LMBRD2: variants seen among roughly 807,000 people sequenced by gnomAD.
LMBRD2 encodes LMBR1 domain containing 2, also known as G protein-coupled receptor-associated protein LMBRD2.
In LMBRD2, 55 loss-of-function variants were observed where a neutral mutation model predicts 94.4. The observed-to-expected ratio is 0.58, with a 90% CI of 0.47 to 0.73. The LOEUF is 0.73. Among genes scored for constraint, LMBRD2 ranks in the 30% least tolerant of loss-of-function variants. LMBRD2 has a pLI of 0.00. For synonymous variants in LMBRD2, 246 were observed against 272.4 expected (o/e 0.90, Z 0.95); for missense variants, 640 against 831.9 (o/e 0.77, Z 2.84).
chr5:36,134,121 A>G (rs1744215878), intron 6 of LMBRD2, among the ~76,000 whole-genome samples: 1 of 152,150 alleles, frequency 6.6e-6, no homozygotes, highest in African/African-American at 2.4e-5. Flanking sequence ...TCAAATATAA[A>G]TAATGTTCTT....
At position 36,148,238 on chromosome 5, in the gene LMBRD2, C is replaced by T. The variant is rs148702987; in HGVS notation, c.-58+3318G>A. ...ACTGCAAGAGACTATTACTCCCACTCGAAAAATGAAAAAAAAAAAAAAACC... is the reference window on the plus strand; with the variant it reads ...ACTGCAAGAGACTATTACTCCCACTTGAAAAATGAAAAAAAAAAAAAAACC... On this transcript the variant is annotated intron_variant, in intron 1 of 17. Transcript: ENST00000296603. 1.3e-3 allele frequency among the ~76,000 whole-genome samples: 189 copies of T among 146,004 alleles called. 6 individuals are homozygous for T. The East Asian group carries it at 0.031, about 24-fold the overall frequency.
At chr5:36,124,164 A>G in intron 7 of LMBRD2, 27 bp downstream of exon 7, 1 of 1,338,440 alleles carries the variant, frequency 7.5e-7, no homozygotes, top group Non-Finnish European at 1.1e-6. Context: ...ATATTTCAAA[A>G]GGAAACAGAC....
At chr5:36,124,433 C>T (rs1743963649) in intron 6 of LMBRD2, among the ~76,000 whole-genome samples, 168 bp from the exon 7 acceptor site, 1 of 152,122 alleles carries the variant, frequency 6.6e-6, no homozygotes, top group African/African-American at 2.4e-5. Flanking sequence ...AATACAAAGT[C>T]ACTGAATAGC....
intron 6 of LMBRD2, among the ~76,000 whole-genome samples, chr5:36,129,701 G>GA (rs1228989764): frequency 6.6e-6 from 1 of 152,070 alleles, no homozygotes; most frequent in Non-Finnish European, 1.5e-5. Context: ...CAAGTACACA[G>GA]AAAAACAAAG....
intron 6 of LMBRD2, among the ~76,000 whole-genome samples, chr5:36,131,497 A>G (rs951873199): frequency 6.6e-6 from 1 of 152,172 alleles, no homozygotes; most frequent in African/African-American, 2.4e-5. Context: ...GCAATCAGAC[A>G]AGAGAAAGAT....
In LMBRD2 at chr5:36,124,191, CT is replaced by C; in HGVS notation, c.821del (p.Lys274SerfsTer34). ...GAAACAGACAAGATGATTTCATTAC[CT>C]TTTTAAGTATTGTATCAACACATTT... ...LRKCVDTILK[K>X]CPTEYQEKMG... On this transcript the variant is annotated frameshift_variant and splice_region_variant, in exon 7 of 18. Transcript: ENST00000296603. LOFTEE classifies it high-confidence loss of function. The C allele has an allele frequency of 3.3e-6, 5 of 1,524,314 alleles. No homozygotes were observed. Among genetic ancestry groups the C allele is most frequent in the South Asian group, 1.2e-5 (1 of 86,450 alleles). The allele number at this position is 1,524,314 out of a possible 1,614,324, so 94.4% of individuals were successfully genotyped here.
At chr5:36,117,307 G>A in intron 10 of LMBRD2, among the ~76,000 whole-genome samples, 1 of 152,064 alleles carries the variant, frequency 6.6e-6, no homozygotes, top group East Asian at 1.9e-4. Context: ...GCAAAATCCT[G>A]ACTCTACAAA....
intron 13 of LMBRD2, among the ~76,000 whole-genome samples, chr5:36,113,357 G>T (rs1022198195): frequency 5.9e-5 from 9 of 152,012 alleles, no homozygotes; most frequent in African/African-American, 1.2e-4. Context: ...CCTTAAAAGG[G>T]ACAGGAATTG....
chr5:36,114,875 T>C, intron 12 of LMBRD2, 140 bp downstream of exon 12: 1 of 639,872 alleles, frequency 1.6e-6, no homozygotes, highest in Non-Finnish European at 2.7e-6. Context: ...TAGTCAATAG[T>C]AATACGTATA....
In LMBRD2 at chr5:36,122,264, A is replaced by G. The variant is rs752422445; in HGVS notation, c.1120+16T>C. 1 of 1,536,946 alleles carries G rather than the reference A, an allele frequency of 6.5e-7. No individual in the cohort carries two copies. The highest frequency in any genetic ancestry group is 8.8e-7 in the Non-Finnish European group (1 of 1,141,088). Reference sequence around the variant, plus strand: ...TTTTCATCATTAAAGTTTGAAATTTATATCAAATTACATACCAAATGTAGG... The same window carrying G: ...TTTTCATCATTAAAGTTTGAAATTTGTATCAAATTACATACCAAATGTAGG... On this transcript the variant is annotated intron_variant, in intron 9 of 17. Coordinates refer to ENST00000296603, the MANE Select transcript of LMBRD2 (RefSeq NM_001007527.2).
At position 36,116,597 on chromosome 5, in the gene LMBRD2, G is replaced by C; in HGVS notation, c.1303-4C>G. 1.2e-6 allele frequency: 2 copies of C among 1,606,084 alleles called. No individual in the cohort carries two copies. Among genetic ancestry groups the C allele is most frequent in the Non-Finnish European group, 1.7e-6 (2 of 1,177,866 alleles). ...AGATGGAAAGGAAGCAGGCAATCTGGAAAAAAACAAAAACAAAGCAGTTTG... is the reference window on the plus strand; with the variant it reads ...AGATGGAAAGGAAGCAGGCAATCTGCAAAAAAACAAAAACAAAGCAGTTTG... On this transcript the variant is annotated splice_polypyrimidine_tract_variant and splice_region_variant and intron_variant, in intron 10 of 17. Coordinates refer to ENST00000296603, the MANE Select transcript of LMBRD2 (RefSeq NM_001007527.2).
In LMBRD2 at chr5:36,100,378, C is replaced by T. The variant is rs1743322672; in HGVS notation, c.*3668G>A. ...TTGTCTAGCAAAATCTGTTTGACTA[C>T]TTTAGGTACAATATTGCTATTTCAA... On this transcript the variant is annotated 3_prime_UTR_variant, in exon 18 of 18. Transcript: ENST00000296603. 1 of 152,002 alleles carries T rather than the reference C, an allele frequency of 6.6e-6. No individual in the cohort carries two copies. Among genetic ancestry groups the T allele is most frequent in the Non-Finnish European group, 1.5e-5 (1 of 67,982 alleles). 9.4% of individuals were successfully genotyped at this position (152,002 alleles called of 1,614,324 possible).
At chr5:36,143,116 C>A in intron 2 of LMBRD2, 60 bp downstream of exon 2, 1 of 1,114,854 alleles carries the variant, frequency 9.0e-7, no homozygotes, top group Non-Finnish European at 1.3e-6. Context: ...ACATTATTTC[C>A]AACATGCTGT....
intron 14 of LMBRD2, 36 bp from the exon 15 acceptor site, chr5:36,110,027 C>T: frequency 6.5e-7 from 1 of 1,537,694 alleles, no homozygotes; most frequent in Non-Finnish European, 9.0e-7. Flanking sequence ...TATGGCATAA[C>T]ATGGTTTAAT....
chr5:36,126,856 C>T (rs528522475), intron 6 of LMBRD2, among the ~76,000 whole-genome samples: 4 of 152,206 alleles, frequency 2.6e-5, no homozygotes, highest in Non-Finnish European at 5.9e-5. Context: ...CTGGACTTCT[C>T]AGTATGGCAT....
Position 36,102,201 on chromosome 5 carries a change from G to A in LMBRD2, c.*1845C>T, listed in dbSNP as rs1743361072. 1 of 151,780 alleles carries A rather than the reference G, an allele frequency of 6.6e-6. No individual in the cohort carries two copies. The highest frequency in any genetic ancestry group is 2.4e-5 in the African/African-American group (1 of 41,390). The allele number at this position is 151,780 out of a possible 1,614,324, so 9.4% of individuals were successfully genotyped here. The stretch of plus-strand genomic sequence containing the variant: ...CATCCAATACCTTCAAGTATCACTA[G>A]GAAAAATAGCACAGTTATAAACTCC... On this transcript the variant is annotated 3_prime_UTR_variant, in exon 18 of 18. Transcript: ENST00000296603.
intron 1 of LMBRD2, among the ~76,000 whole-genome samples, chr5:36,150,695 T>C (rs1189379463): frequency 1.3e-5 from 2 of 152,240 alleles, no homozygotes; most frequent in Non-Finnish European, 2.9e-5. Flanking sequence ...AGCCTAGGAT[T>C]CTGCACCTAG....
chr5:36,118,340 G>A (rs1251589704), intron 9 of LMBRD2, among the ~76,000 whole-genome samples: 1 of 152,176 alleles, frequency 6.6e-6, no homozygotes, highest in African/African-American at 2.4e-5. Context: ...TGCGATGCAT[G>A]ATCTGGGATT....
chr5:36,101,149 A>G lies in LMBRD2; in HGVS notation c.*2897T>C, dbSNP rs994454953. On this transcript the variant is annotated 3_prime_UTR_variant, in exon 18 of 18. Coordinates refer to ENST00000296603, the MANE Select transcript of LMBRD2 (RefSeq NM_001007527.2). The stretch of plus-strand genomic sequence containing the variant: ...CCTCTTATGCAATGAGATTATTCAA[A>G]AGCCCTTGTATTCATTTGGTAAGAG... The G allele has an allele frequency of 5.9e-5, 9 of 151,948 alleles. 1 individual carries two copies. The highest frequency in any genetic ancestry group is 5.9e-4 in the Admixed American group (9 of 15,244). The allele number at this position is 151,948 out of a possible 1,614,324, so 9.4% of individuals were successfully genotyped here.
Sources: gnomAD v4.1 joint callset for allele counts (sites outside exome capture counted in the v4.1 genomes callset) on GRCh38, gnomAD v4.1.1 for gene constraint, MANE v1.5 for transcripts, NCBI Gene and HGNC (gene_info 2026-07-23, HGNC 2026-07-21) for gene names.